SNTB1: variants seen among roughly 807,000 people sequenced by gnomAD.
SNTB1 encodes the protein syntrophin beta 1, also known as beta-1-syntrophin.
A neutral mutation model predicts 48.9 loss-of-function variants in SNTB1; 36 were observed. The observed-to-expected ratio is 0.74, with a 90% CI of 0.56 to 0.97. The LOEUF (loss-of-function observed/expected upper bound fraction) is 0.97. SNTB1 is among the 50% of genes least tolerant of loss of function. The pLI is 0.00. For synonymous variants in SNTB1, 299 were observed against 294.6 expected (o/e 1.01, Z -0.15); for missense variants, 786 against 703.4 (o/e 1.12, Z -1.33).
intron 3 of SNTB1, among the ~76,000 whole-genome samples, chr8:120,579,505 CT>C (rs1432620627): frequency 2.0e-5 from 3 of 152,178 alleles, no homozygotes; most frequent in South Asian, 4.1e-4. Flanking sequence ...GGTGGAAACT[CT>C]GTCTCTACTA....
chr8:120,554,773 T>C (rs918054430), intron 4 of SNTB1, among the ~76,000 whole-genome samples: 1 of 152,146 alleles, frequency 6.6e-6, no homozygotes, highest in Non-Finnish European at 1.5e-5. Context: ...ATGAAACCTA[T>C]ACCTGTGGCC....
intron 3 of SNTB1, among the ~76,000 whole-genome samples, chr8:120,588,633 T>A (rs1366949870): frequency 6.6e-6 from 1 of 152,220 alleles, no homozygotes; most frequent in African/African-American, 2.4e-5. Flanking sequence ...GCTTAGTTAT[T>A]TTCACTGTGA....
At chr8:120,711,702 C>T (rs966781701) in intron 1 of SNTB1, among the ~76,000 whole-genome samples, 1 of 152,116 alleles carries the variant, frequency 6.6e-6, no homozygotes, top group Non-Finnish European at 1.5e-5. Flanking sequence ...ATTAGACAAG[C>T]CTACAAGTCA....
chr8:120,798,952 G>A (rs1820169649), intron 1 of SNTB1, among the ~76,000 whole-genome samples: 1 of 152,036 alleles, frequency 6.6e-6, no homozygotes, highest in Non-Finnish European at 1.5e-5. Flanking sequence ...AATACCTTCA[G>A]TTCTCTCCCT....
intron 2 of SNTB1, among the ~76,000 whole-genome samples, chr8:120,651,736 G>A (rs1004924822): frequency 6.6e-6 from 1 of 151,752 alleles, no homozygotes; most frequent in African/African-American, 2.4e-5. Context: ...GAGAAGGAGA[G>A]AAAAAGGAAA....
intron 3 of SNTB1, among the ~76,000 whole-genome samples, chr8:120,593,260 C>T (rs1055637624): frequency 1.3e-5 from 2 of 152,116 alleles, no homozygotes; most frequent in African/African-American, 2.4e-5. Flanking sequence ...AAGCAGGCAC[C>T]GAAAGGAAAG....
At chr8:120,699,592 C>A (rs532447967) in intron 1 of SNTB1, among the ~76,000 whole-genome samples, 2 of 152,328 alleles carry the variant, frequency 1.3e-5, no homozygotes, top group East Asian at 3.9e-4. Flanking sequence ...TCCTGTCCAG[C>A]CTGCAGCACC....
chr8:120,575,575 AT>A (rs889572664), intron 3 of SNTB1, among the ~76,000 whole-genome samples: 113 of 151,798 alleles, frequency 7.4e-4, no homozygotes, highest in African/African-American at 2.1e-3. Flanking sequence ...GTACAGTAGC[AT>A]TTTTTTTTAT....
intron 3 of SNTB1, among the ~76,000 whole-genome samples, chr8:120,587,613 T>G (rs967508671): frequency 2.6e-5 from 4 of 152,252 alleles, no homozygotes; most frequent in African/African-American, 7.2e-5. Flanking sequence ...CCTAGTCAAC[T>G]GTGCCTTAGG....
intron 1 of SNTB1, among the ~76,000 whole-genome samples, chr8:120,784,112 G>A (rs748318785): frequency 1.3e-5 from 2 of 152,074 alleles, no homozygotes; most frequent in Non-Finnish European, 2.9e-5. Context: ...TCCTGCCTCA[G>A]CTTCCCAAGT....
chr8:120,548,797 T>G lies in SNTB1; in HGVS notation c.1298A>C (p.His433Pro). 1 of 1,614,118 alleles carries G rather than the reference T, an allele frequency of 6.2e-7. No homozygotes were observed. ...TTCAGCAATGAGTTCAGCAGAATTG[T>G]GGCAACCCTGTACTATGCTCCTTGT... is the stretch of plus-strand genomic sequence containing the variant. ...HWTRSIVQGC[H>P]NSAELIAEIS... Residue 433 changes from histidine (H) to proline (P), a missense_variant, in exon 5 of 7, where the codon CAC becomes CCC. Physicochemically the swap from His to Pro is moderately conservative, Grantham distance 77. Transcript: ENST00000517992.
chr8:120,574,435 T>C (rs1406286423), intron 4 of SNTB1, among the ~76,000 whole-genome samples: 1 of 152,240 alleles, frequency 6.6e-6, no homozygotes, highest in Admixed American at 6.5e-5. Flanking sequence ...GTTTATGGTA[T>C]AGACTATGAT....
intron 3 of SNTB1, among the ~76,000 whole-genome samples, chr8:120,593,026 A>T (rs1478703968): frequency 6.6e-6 from 1 of 152,208 alleles, no homozygotes; most frequent in African/African-American, 2.4e-5. Flanking sequence ...GTTAAAAAGA[A>T]AAAGGGAGAA....
At chr8:120,610,271 G>A (rs1216187343) in intron 3 of SNTB1, among the ~76,000 whole-genome samples, 8 of 152,084 alleles carry the variant, frequency 5.3e-5, no homozygotes, top group East Asian at 1.9e-4. Context: ...CAGGTAGCTC[G>A]GATTATAGGC....
intron 4 of SNTB1, 51 bp from the exon 5 acceptor site, chr8:120,549,009 C>A (rs1815433683): frequency 4.9e-6 from 7 of 1,439,926 alleles, no homozygotes; most frequent in Non-Finnish European, 4.7e-6. Flanking sequence ...AGTTTATTCA[C>A]CTGGCATATC....
chr8:120,584,547 G>T (rs538263914), intron 3 of SNTB1, among the ~76,000 whole-genome samples: 1 of 152,106 alleles, frequency 6.6e-6, no homozygotes, highest in African/African-American at 2.4e-5. Context: ...AAAGCTGGTG[G>T]TTTAAAAATC....
chr8:120,578,259 C>T (rs1171221735), intron 3 of SNTB1, among the ~76,000 whole-genome samples: 3 of 151,038 alleles, frequency 2.0e-5, no homozygotes, highest in African/African-American at 7.3e-5. Context: ...CCAGGATGGT[C>T]TCGATCTCCT....
intron 1 of SNTB1, among the ~76,000 whole-genome samples, chr8:120,723,087 T>C (rs967341430): frequency 6.6e-6 from 1 of 152,212 alleles, no homozygotes; most frequent in African/African-American, 2.4e-5. Flanking sequence ...TGCGGTGTTA[T>C]TTCTGAGTCC....
intron 1 of SNTB1, among the ~76,000 whole-genome samples, chr8:120,783,537 T>G (rs1819865374): frequency 6.6e-6 from 1 of 152,180 alleles, no homozygotes; most frequent in Non-Finnish European, 1.5e-5. Context: ...TTTCTCCTTA[T>G]TTTTCATCTT....
Sources: allele counts gnomAD v4.1 joint callset (sites outside exome capture counted in the v4.1 genomes callset), GRCh38; gene constraint gnomAD v4.1.1; transcripts MANE v1.5; gene names NCBI Gene and HGNC (gene_info 2026-07-23, HGNC 2026-07-21).